The following FRMPD1 variants were observed in gnomAD, a reference collection of about 807,000 sequenced individuals.
FRMPD1 encodes FERM and PDZ domain-containing protein 1.
Under a neutral mutation model 117.8 loss-of-function variants are expected in FRMPD1, and 76 were observed. That is an observed-to-expected ratio of 0.65 (90% CI 0.54 to 0.78). FRMPD1 has a LOEUF of 0.78. Ranked by LOEUF, FRMPD1 falls within the 30% of genes least tolerant of loss-of-function variation. FRMPD1 has a pLI of 0.00. For missense variants in FRMPD1, 1,786 were observed against 1,964.5 expected (o/e 0.91, Z 1.72); for synonymous variants, 783 against 770.4 (o/e 1.02, Z -0.27).
the FRMPD1 span, among the ~76,000 whole-genome samples, chr9:37,633,239 C>A: frequency 1.3e-5 from 2 of 152,062 alleles, no homozygotes; most frequent in East Asian, 1.9e-4. Flanking sequence ...AGTGGTTTCA[C>A]CATGTTGGTC....
chr9:37,622,319 C>T, the FRMPD1 span, among the ~76,000 whole-genome samples: 2 of 152,112 alleles, frequency 1.3e-5, no homozygotes, highest in South Asian at 2.1e-4. Context: ...CTTTAATAGC[C>T]GCAATGAATT....
At chr9:37,621,659 A>G in the FRMPD1 span, among the ~76,000 whole-genome samples, 1 of 152,190 alleles carries the variant, frequency 6.6e-6, no homozygotes, top group East Asian at 1.9e-4. Context: ...AAGGAGGAGT[A>G]GCTGCTGCTT....
intron 4 of FRMPD1, 22 bp downstream of exon 4, chr9:37,708,523 T>C: frequency 7.6e-7 from 1 of 1,307,652 alleles, no homozygotes; most frequent in South Asian, 1.2e-5. Context: ...TCTTCCATCA[T>C]CTACAGAATT....
chr9:37,726,998 T>G (rs1172838194), intron 7 of FRMPD1, among the ~76,000 whole-genome samples: 3 of 152,012 alleles, frequency 2.0e-5, no homozygotes, highest in Non-Finnish European at 4.4e-5. Context: ...CCAAGAGTGA[T>G]GTGTGAAGGC....
rs772746331 is a variant in FRMPD1 at position 37,700,286 on chromosome 9, A to G, written c.102-7130A>G. 2.0e-5 allele frequency among the ~76,000 whole-genome samples: 3 copies of G among 152,244 alleles called. No homozygotes were observed. In the East Asian group the frequency reaches 5.8e-4, roughly 29 times the overall value. ...GGAGCACTACCCTCACAATCTCCAC[A>G]GTGAATGGCCCCCTAGAAACTGTTA... On this transcript the variant is annotated intron_variant, in intron 2 of 15. Transcript: ENST00000377765.
Position 37,682,350 on chromosome 9 carries a change from A to C in FRMPD1, c.-4-10288A>C, listed in dbSNP as rs181123354. 2.6e-3 allele frequency among the ~76,000 whole-genome samples: 401 copies of C among 152,336 alleles called. 2 individuals carry two copies. The highest frequency in any genetic ancestry group is 9.2e-3 in the African/African-American group (383 of 41,574). On this transcript the variant is annotated intron_variant, in intron 1 of 15. Coordinates refer to ENST00000377765, the MANE Select transcript of FRMPD1 (RefSeq NM_014907.3). Reference sequence around the variant, plus strand: ...CCTTCCCCAAATTGATCAAGAGAGCAGTGTTTTGGGGGCAATAGTGGGAGA... The same window carrying C: ...CCTTCCCCAAATTGATCAAGAGAGCCGTGTTTTGGGGGCAATAGTGGGAGA...
chr9:37,678,146 A>T (rs984306509), intron 1 of FRMPD1, among the ~76,000 whole-genome samples: 1 of 148,896 alleles, frequency 6.7e-6, no homozygotes, highest in Non-Finnish European at 1.5e-5. Flanking sequence ...CTCTCTGGAG[A>T]TATGTGTGGG....
In FRMPD1 at chr9:37,737,245, T is replaced by G. The variant is rs1478770108; in HGVS notation, c.1549+2T>G. On this transcript the variant is annotated splice_donor_variant, in intron 14 of 15. Coordinates refer to ENST00000377765, the MANE Select transcript of FRMPD1 (RefSeq NM_014907.3). LOFTEE classifies it high-confidence loss of function. ...CGCACCGGGTATCTGCAGAAGAAGGTGAGGCACTGAGTCTTGCCCCAATAA... is the reference window on the plus strand; with the variant it reads ...CGCACCGGGTATCTGCAGAAGAAGGGGAGGCACTGAGTCTTGCCCCAATAA... 3.7e-6 allele frequency: 6 copies of G among 1,613,868 alleles called. No homozygotes were observed. The highest frequency in any genetic ancestry group is 5.1e-6 in the Non-Finnish European group (6 of 1,179,954).
chr9:37,644,113 G>A, the FRMPD1 span, among the ~76,000 whole-genome samples: 1 of 152,216 alleles, frequency 6.6e-6, no homozygotes, highest in Non-Finnish European at 1.5e-5. Context: ...TAAAGATGCT[G>A]TGTGGGCTAG....
At chr9:37,720,993 A>G (rs1227023082) in intron 6 of FRMPD1, among the ~76,000 whole-genome samples, 1 of 152,256 alleles carries the variant, frequency 6.6e-6, no homozygotes, top group Non-Finnish European at 1.5e-5. Flanking sequence ...GACAGAATAA[A>G]GGCACGACAG....
At chr9:37,715,604 G>T in intron 5 of FRMPD1, 2 of 455,614 alleles carry the variant, frequency 4.4e-6, no homozygotes, top group South Asian at 3.1e-5. Flanking sequence ...AATCCAGAGA[G>T]AGCTTAGAAG....
chr9:37,641,298 A>AG, the FRMPD1 span, among the ~76,000 whole-genome samples: 1 of 152,242 alleles, frequency 6.6e-6, no homozygotes, highest in Non-Finnish European at 1.5e-5. Context: ...TCAAAAGACA[A>AG]GGCAGACTTA....
rs1033297589 is a variant in FRMPD1, at chr9:37,746,198, C to G, written c.4166C>G (p.Thr1389Ser). The G allele has an allele frequency of 6.2e-7, 1 of 1,613,236 alleles. No homozygotes were observed. The highest frequency in any genetic ancestry group is 2.2e-5 in the East Asian group (1 of 44,884). ...AGGCCTGCCCGAGCCCACAGCTGCA[C>G]CACCGCACCCCTGTCGAGGAAAAGC... is the stretch of plus-strand genomic sequence containing the variant. The part of the protein sequence containing the change: ...PWRPARAHSC[T>S]TAPLSRKSHI... The change falls in exon 16 of 16, where the codon ACC becomes AGC. Residue 1389 changes from threonine (T) to serine (S), a missense_variant. Coordinates refer to ENST00000377765, the MANE Select transcript of FRMPD1 (RefSeq NM_014907.3).
At chr9:37,739,375 G>A (rs1420828468) in intron 14 of FRMPD1, among the ~76,000 whole-genome samples, 1 of 152,186 alleles carries the variant, frequency 6.6e-6, no homozygotes, top group African/African-American at 2.4e-5. Context: ...AGGGTGTGAT[G>A]AGGTCAGAGA....
chr9:37,720,864 C>T (rs548159002), intron 6 of FRMPD1, among the ~76,000 whole-genome samples: 11 of 152,312 alleles, frequency 7.2e-5, no homozygotes, highest in South Asian at 2.1e-4. Flanking sequence ...TTCAGCCTGG[C>T]GACAGAGTGA....
At chr9:37,702,623 C>A (rs1277700233) in intron 2 of FRMPD1, among the ~76,000 whole-genome samples, 1 of 152,110 alleles carries the variant, frequency 6.6e-6, no homozygotes, top group Non-Finnish European at 1.5e-5. Context: ...GAGTGAAGGC[C>A]TGGGAAGGGG....
chr9:37,709,277 T>TAG (rs777217576), intron 4 of FRMPD1, among the ~76,000 whole-genome samples: 8 of 150,484 alleles, frequency 5.3e-5, no homozygotes, highest in Non-Finnish European at 1.2e-4. Context: ...CTTGAAGAGA[T>TAG]ATATATATAT....
chr9:37,696,051 C>CTTTTTTTTTTTTTT (rs61521469), intron 2 of FRMPD1, among the ~76,000 whole-genome samples: 18 of 78,100 alleles, frequency 2.3e-4, no homozygotes, highest in South Asian at 5.3e-4. Flanking sequence ...CATTGTTTTG[C>CTTTTTTTTTTTTTT]TTTTTTTTTT....
At chr9:37,692,802 C>A in intron 2 of FRMPD1, 60 bp downstream of exon 2, 1 of 1,194,942 alleles carries the variant, frequency 8.4e-7, no homozygotes, top group Non-Finnish European at 1.3e-6. Flanking sequence ...GGGGGAGGAG[C>A]TTGTGCTGGT....
Sources: gnomAD v4.1 joint callset for allele counts (sites outside exome capture counted in the v4.1 genomes callset) on GRCh38, gnomAD v4.1.1 for gene constraint, MANE v1.5 for transcripts, NCBI Gene and HGNC (gene_info 2026-07-23, HGNC 2026-07-21) for gene names.